SNCAIP: variants seen among roughly 807,000 people sequenced by gnomAD.
SNCAIP encodes synphilin-1.
Under a neutral mutation model 86.7 loss-of-function variants are expected in SNCAIP, and 43 were observed. The observed-to-expected ratio is 0.50, with a 90% confidence interval of 0.39 to 0.64. SNCAIP has a LOEUF of 0.64. Among genes scored for constraint, SNCAIP ranks in the 30% least tolerant of loss-of-function variants. SNCAIP has a pLI of 0.00. For synonymous variants in SNCAIP, 417 were observed against 427.2 expected, an observed-to-expected ratio of 0.98 and a Z score of 0.29; for missense variants, 981 against 1,103.1, an observed-to-expected ratio of 0.89 and a Z score of 1.57.
chr5:122,435,708 G>A lies in SNCAIP; in HGVS notation c.1296+3626G>A, dbSNP rs76955864. On this transcript the variant is annotated intron_variant, in intron 6 of 10. Coordinates refer to ENST00000261368, the MANE Select transcript of SNCAIP (RefSeq NM_005460.4). Reference sequence around the variant, plus strand: ...AAAAAGAAAAGGCTCAGCAATTCTTGCAAATGGTCATGAGCAGTGGTAGAC... The same window carrying A: ...AAAAAGAAAAGGCTCAGCAATTCTTACAAATGGTCATGAGCAGTGGTAGAC... Among the ~76,000 whole-genome samples the A allele has an allele frequency of 3.2e-3, 482 of 152,170 alleles. 3 individuals are homozygous for A. Among genetic ancestry groups the A allele is most frequent in the African/African-American group, 0.011 (466 of 41,506 alleles).
At chr5:122,390,211 A>C (rs1227572464) in intron 1 of SNCAIP, among the ~76,000 whole-genome samples, 4 of 152,186 alleles carry the variant, frequency 2.6e-5, no homozygotes, top group Non-Finnish European at 5.9e-5. Flanking sequence ...GCAGAGGCTG[A>C]TTTTGCTATC....
At chr5:122,326,200 C>T (rs191997919) in intron 1 of SNCAIP, among the ~76,000 whole-genome samples, 23 of 152,252 alleles carry the variant, frequency 1.5e-4, no homozygotes, top group Admixed American at 1.3e-3. Context: ...CTTGTAGGCT[C>T]TTGAGGGTAG....
At chr5:122,326,855 C>T (rs1015403390) in intron 1 of SNCAIP, among the ~76,000 whole-genome samples, 38 of 151,778 alleles carry the variant, frequency 2.5e-4, no homozygotes, top group Admixed American at 2.5e-3. Flanking sequence ...TTAAGGCCAG[C>T]TCCAGGTGGA....
At chr5:122,334,766 G>A (rs890760393) in intron 1 of SNCAIP, among the ~76,000 whole-genome samples, 1 of 152,176 alleles carries the variant, frequency 6.6e-6, no homozygotes, top group African/African-American at 2.4e-5. Context: ...CAACTTTGCA[G>A]TAGACCTAAG....
At chr5:122,434,644 A>G (rs1779032306) in intron 6 of SNCAIP, among the ~76,000 whole-genome samples, 1 of 152,198 alleles carries the variant, frequency 6.6e-6, no homozygotes, top group South Asian at 2.1e-4. Context: ...GCAGTCCAGC[A>G]GTGCCCTTAG....
At chr5:122,330,699 C>T (rs921785309) in intron 1 of SNCAIP, among the ~76,000 whole-genome samples, 3 of 152,158 alleles carry the variant, frequency 2.0e-5, no homozygotes, top group South Asian at 2.1e-4. Context: ...AGTCCCTAAC[C>T]TTTTTGGCAC....
chr5:122,347,604 A>G (rs1262528427), intron 1 of SNCAIP, among the ~76,000 whole-genome samples: 3 of 152,054 alleles, frequency 2.0e-5, no homozygotes, highest in Admixed American at 6.6e-5. Flanking sequence ...GATACCCTCA[A>G]TTGGAAAAAA....
chr5:122,345,969 A>T (rs576797683), intron 1 of SNCAIP, among the ~76,000 whole-genome samples: 5 of 152,160 alleles, frequency 3.3e-5, no homozygotes, highest in Middle Eastern at 3.4e-3. Flanking sequence ...ATTTTTTGGT[A>T]TAGTTTTATA....
chr5:122,413,625 A>G (rs953031292), intron 3 of SNCAIP, among the ~76,000 whole-genome samples: 1 of 152,114 alleles, frequency 6.6e-6, no homozygotes, highest in Admixed American at 6.6e-5. Flanking sequence ...GAGACGTTCA[A>G]TATATATTTG....
intron 3 of SNCAIP, among the ~76,000 whole-genome samples, chr5:122,416,301 C>T (rs1389538448): frequency 6.6e-6 from 1 of 152,126 alleles, no homozygotes; most frequent in African/African-American, 2.4e-5. Context: ...GTTTAGAACC[C>T]AAATCAATGA....
chr5:122,412,383 T>G (rs1413235622), intron 3 of SNCAIP, among the ~76,000 whole-genome samples: 2 of 152,190 alleles, frequency 1.3e-5, no homozygotes, highest in Non-Finnish European at 2.9e-5. Context: ...TCAAATGCAC[T>G]GACACTTTGC....
At chr5:122,416,194 G>A (rs568869313) in intron 3 of SNCAIP, among the ~76,000 whole-genome samples, 169 of 152,312 alleles carry the variant, frequency 1.1e-3, no homozygotes, top group Non-Finnish European at 1.9e-3. Context: ...ATGTGAGCAG[G>A]TCTTGACAAT....
At chr5:122,318,145 G>A (rs1163148751) in intron 1 of SNCAIP, among the ~76,000 whole-genome samples, 1 of 152,048 alleles carries the variant, frequency 6.6e-6, no homozygotes, top group Non-Finnish European at 1.5e-5. Flanking sequence ...ATGGGTAGGT[G>A]CTGGTATGTT....
chr5:122,415,560 A>G (rs1775133361), intron 3 of SNCAIP, among the ~76,000 whole-genome samples: 1 of 152,164 alleles, frequency 6.6e-6, no homozygotes, highest in Non-Finnish European at 1.5e-5. Flanking sequence ...GGCATTTTGG[A>G]AGTTGTCAGT....
At chr5:122,384,183 G>A (rs991693796) in intron 1 of SNCAIP, among the ~76,000 whole-genome samples, 1 of 152,206 alleles carries the variant, frequency 6.6e-6, no homozygotes, top group African/African-American at 2.4e-5. Flanking sequence ...AGTCAGAAGA[G>A]CACTAGACTG....
chr5:122,312,499 C>G (rs908191566), intron 1 of SNCAIP: 6 of 152,260 alleles, frequency 3.9e-5, no homozygotes, highest in African/African-American at 1.4e-4. Flanking sequence ...GTAACAGTAA[C>G]AGTGGTGGCG....
intron 10 of SNCAIP, among the ~76,000 whole-genome samples, chr5:122,459,748 CCTT>C (rs888954173): frequency 2.0e-5 from 3 of 152,120 alleles, no homozygotes; most frequent in African/African-American, 7.2e-5. Context: ...ATGACCAAAA[CCTT>C]CTTTTAAGTG....
At chr5:122,322,747 A>C (rs954729034) in intron 1 of SNCAIP, among the ~76,000 whole-genome samples, 2 of 152,238 alleles carry the variant, frequency 1.3e-5, no homozygotes, top group Middle Eastern at 3.2e-3. Flanking sequence ...AAAATCTTAA[A>C]AATAATAGCA....
Position 122,410,501 on chromosome 5 carries a change from G to A in SNCAIP, c.130+6636G>A, listed in dbSNP as rs1017421213. On this transcript the variant is annotated intron_variant, in intron 3 of 10. Coordinates refer to ENST00000261368, the MANE Select transcript of SNCAIP (RefSeq NM_005460.4). The stretch of plus-strand genomic sequence containing the variant: ...GATGGGGGCAGGAGGTGAGAGAAAA[G>A]TTAAAATAAAATTCTGGTGGTATTG... Among the ~76,000 whole-genome samples, 6 of 152,286 alleles carry A rather than the reference G, an allele frequency of 3.9e-5. No individual in the cohort carries two copies. In the East Asian group the frequency reaches 1.2e-3, roughly 29 times the overall value.
Sources: gnomAD v4.1 joint callset for allele counts (sites outside exome capture counted in the v4.1 genomes callset) on GRCh38, gnomAD v4.1.1 for gene constraint, MANE v1.5 for transcripts, NCBI Gene and HGNC (gene_info 2026-07-23, HGNC 2026-07-21) for gene names.